The following PC variants were observed in gnomAD, a reference collection of about 807,000 sequenced individuals.
The protein encoded by PC is pyruvate carboxylase, also known as pyruvate carboxylase, mitochondrial.
Under a neutral mutation model 107.8 loss-of-function variants are expected in PC, and 46 were observed. The ratio of observed to expected loss-of-function variants is 0.43; its 90% CI spans 0.34 to 0.55. The LOEUF (loss-of-function observed/expected upper bound fraction) is 0.55. PC is among the 20% of genes least tolerant of loss of function. PC has a pLI of 0.04. For missense variants in PC, 1,241 were observed against 1,643.1 expected (o/e 0.76, Z 4.23); for synonymous variants, 662 against 684.7 (o/e 0.97, Z 0.52).
chr11:66,859,800 C>T (rs778394597), intron 12 of PC: 4 of 1,592,780 alleles, frequency 2.5e-6, no homozygotes, highest in Admixed American at 1.7e-5. Flanking sequence ...GGCCTCGCCC[C>T]TGTGCCACGC....
At chr11:66,888,999 A>G (rs1947470124) in intron 3 of PC, among the ~76,000 whole-genome samples, 1 of 152,160 alleles carries the variant, frequency 6.6e-6, no homozygotes, top group Admixed American at 6.5e-5. Context: ...GCTTGAACCC[A>G]GGAGGCGGAG....
intron 12 of PC, among the ~76,000 whole-genome samples, chr11:66,853,661 G>A (rs1351299686): frequency 6.6e-6 from 1 of 152,178 alleles, no homozygotes; most frequent in African/African-American, 2.4e-5. Context: ...CTAGAACAGG[G>A]CTCAGCCTTT....
At chr11:66,861,852 C>T (rs554804003) in intron 12 of PC, among the ~76,000 whole-genome samples, 95 of 151,850 alleles carry the variant, frequency 6.3e-4, no homozygotes, top group African/African-American at 2.2e-3. Flanking sequence ...ACCTGGGGGG[C>T]GGGGGACGGT....
intron 3 of PC, among the ~76,000 whole-genome samples, chr11:66,914,709 T>A (rs1336086443): frequency 6.6e-6 from 1 of 152,202 alleles, no homozygotes; most frequent in African/African-American, 2.4e-5. Context: ...ATTTCTGCCG[T>A]CGCCTCCAAT....
chr11:66,933,670 T>C (rs1948920658), intron 3 of PC, among the ~76,000 whole-genome samples: 1 of 152,108 alleles, frequency 6.6e-6, no homozygotes, highest in South Asian at 2.1e-4. Flanking sequence ...TGTGACACTT[T>C]ATATTTGCCA....
Position 66,852,642 on chromosome 11 carries a change from A to AAAG in PC, c.1621_1622insCTT (p.Gly540_Phe541insSer). On this transcript the variant is annotated inframe_insertion, in exon 15 of 23. Coordinates refer to ENST00000393960, the MANE Select transcript of PC (RefSeq NM_001040716.2). The surrounding 1 kb of genome is among the most constrained non-coding windows in gnomAD (Gnocchi z 4.7). ...CCCCTCTCGCAGCAGGATGTCTCTG[A>AAAG]AACCAGCCGGGGGCGGGCCTAGGGT... 6.2e-7 allele frequency: 1 copy of AAAG among 1,613,766 alleles called. No individual in the cohort carries two copies. Among genetic ancestry groups the AAAG allele is most frequent in the Non-Finnish European group, 8.5e-7 (1 of 1,179,756 alleles).
In PC at chr11:66,907,489, C is replaced by T. The variant is rs573016969; in HGVS notation, c.1-35330G>A. ...TTGCAGTGAGCCGAGATCATACCAC[C>T]GCACTCCAGCCTGGATGACAAAGCG... On this transcript the variant is annotated intron_variant, in intron 3 of 22. Coordinates refer to ENST00000393960, the MANE Select transcript of PC (RefSeq NM_001040716.2). Among the ~76,000 whole-genome samples, 4 of 152,214 alleles carry T rather than the reference C, an allele frequency of 2.6e-5. No homozygotes were observed. The East Asian group carries it at 5.8e-4, about 22-fold the overall frequency.
chr11:66,956,441 C>T (rs1949563363), intron 1 of PC, among the ~76,000 whole-genome samples: 2 of 151,952 alleles, frequency 1.3e-5, no homozygotes, highest in Non-Finnish European at 2.9e-5. Context: ...AAAAAATAGC[C>T]AGGTGTGGTG....
chr11:66,921,131 C>T (rs986898161), intron 3 of PC, among the ~76,000 whole-genome samples: 1 of 152,216 alleles, frequency 6.6e-6, no homozygotes, highest in African/African-American at 2.4e-5. Context: ...TGACTGCATC[C>T]ATTTATGTGC....
chr11:66,912,322 C>A (rs538656058), intron 3 of PC, among the ~76,000 whole-genome samples: 1 of 152,280 alleles, frequency 6.6e-6, no homozygotes, highest in East Asian at 1.9e-4. Context: ...GACTCACAGA[C>A]CCCCCTGGAA....
chr11:66,954,156 CAACAAG>C (rs1749157592), intron 2 of PC, 87 bp downstream of exon 2: 1 of 152,092 alleles, frequency 6.6e-6, no homozygotes, highest in Admixed American at 6.6e-5. Context: ...AAAACAAAGT[CAACAAG>C]AACAAGAGCA....
intron 3 of PC, among the ~76,000 whole-genome samples, chr11:66,902,613 A>G (rs1395274437): frequency 6.6e-6 from 1 of 152,120 alleles, no homozygotes; most frequent in Non-Finnish European, 1.5e-5. Flanking sequence ...GCTAGTGATT[A>G]GTAGTTACCA....
At chr11:66,855,806 G>T (rs1945772684) in intron 12 of PC, among the ~76,000 whole-genome samples, 2 of 152,210 alleles carry the variant, frequency 1.3e-5, no homozygotes, top group African/African-American at 4.8e-5. Flanking sequence ...AAATGCTTAT[G>T]TATGTACCAT....
rs780734661 is a variant in PC, at chr11:66,870,386, C to T, written c.819G>A (p.Lys273=). Residue 273 remains lysine (K), a synonymous_variant, in exon 9 of 23, where the codon AAG becomes AAA. Coordinates refer to ENST00000393960, the MANE Select transcript of PC (RefSeq NM_001040716.2). The surrounding 1 kb of genome is among the most constrained non-coding windows in gnomAD (Gnocchi z 6.1). ...GGGCGGCGGGGGCAATCTCGACCAC[C>T]TTCTGGTGCCGCCGCTGGATGGAGC... is the stretch of plus-strand genomic sequence containing the variant. The part of the protein sequence containing the change: ...RDCSIQRRHQ[K]VVEIAPAAHL... The T allele has an allele frequency of 2.5e-6, 4 of 1,613,686 alleles. No individual in the cohort carries two copies. In the African/African-American group the frequency reaches 5.3e-5, roughly 22 times the overall value.
At chr11:66,899,968 T>C (rs1029895750) in intron 3 of PC, among the ~76,000 whole-genome samples, 4 of 152,188 alleles carry the variant, frequency 2.6e-5, no homozygotes, top group African/African-American at 9.7e-5. Context: ...AGATATACAG[T>C]TGTTTTAGCG....
At chr11:66,946,279 A>G (rs566880118) in intron 3 of PC, among the ~76,000 whole-genome samples, 1 of 152,024 alleles carries the variant, frequency 6.6e-6, no homozygotes, top group Admixed American at 6.6e-5. Context: ...GGTGGATCGC[A>G]TGATAGCAGT....
At chr11:66,905,769 G>A (rs989699708) in intron 3 of PC, among the ~76,000 whole-genome samples, 4 of 152,100 alleles carry the variant, frequency 2.6e-5, no homozygotes, top group African/African-American at 9.7e-5. Flanking sequence ...CAGCAAGGTG[G>A]GGAGGGCTGC....
intron 3 of PC, among the ~76,000 whole-genome samples, chr11:66,872,459 T>G (rs1946775583): frequency 6.6e-6 from 1 of 152,032 alleles, no homozygotes; most frequent in Admixed American, 6.6e-5. Flanking sequence ...CCTGAGTAGT[T>G]AAGACTACAG....
At chr11:66,864,424 G>A (rs1031990058) in intron 11 of PC, among the ~76,000 whole-genome samples, 8 of 152,278 alleles carry the variant, frequency 5.3e-5, no homozygotes, top group East Asian at 1.9e-4. Flanking sequence ...GCAGGCCGGC[G>A]ACAGGGCCTC....
Sources: gnomAD v4.1 joint callset for allele counts (sites outside exome capture counted in the v4.1 genomes callset) on GRCh38, gnomAD v4.1.1 for gene constraint, Gnocchi (gnomAD v3.1) non-coding constraint, MANE v1.5 for transcripts, NCBI Gene and HGNC (gene_info 2026-07-23, HGNC 2026-07-21) for gene names.